Variants in MSI1 observed in about 807,000 individuals in gnomAD.
MSI1 encodes the protein musashi RNA binding protein 1, also known as RNA-binding protein Musashi homolog 1.
MSI1 carries 15 observed loss-of-function variants against 54.4 expected under a neutral mutation model. The ratio of observed to expected loss-of-function variants is 0.28; its 90% CI spans 0.18 to 0.42. The LOEUF (loss-of-function observed/expected upper bound fraction) is 0.42, where lower values mean the gene tolerates loss of function less well. Among genes scored for constraint, MSI1 ranks in the 20% least tolerant of loss-of-function variants. The pLI is 1.00. For synonymous variants in MSI1, 200 were observed against 196.5 expected (o/e 1.02, Z -0.15); for missense variants, 304 against 506.0 (o/e 0.60, Z 3.83).
At chr12:120,352,955 A>G (rs1393133322) in intron 10 of MSI1, among the ~76,000 whole-genome samples, 1 of 152,164 alleles carries the variant, frequency 6.6e-6, no homozygotes, top group Non-Finnish European at 1.5e-5. Context: ...GCAACCAACA[A>G]TGGCCCTCGG....
Position 120,368,407 on chromosome 12 carries a change from C to T in MSI1, c.101-134G>A. 1.2e-6 allele frequency: 1 copy of T among 862,456 alleles called. No homozygotes were observed. The highest frequency in any genetic ancestry group is 2.0e-5 in the South Asian group (1 of 50,808). The allele number at this position is 862,456 out of a possible 1,614,324, so 53.4% of individuals were successfully genotyped here. The stretch of plus-strand genomic sequence containing the variant: ...CTGCCCGCGCGTTCTCCACTGCCGC[C>T]GCCCCCCACCGCCCTCGCCCCGTTC... On this transcript the variant is annotated intron_variant, in intron 2 of 14. Coordinates refer to ENST00000257552, the MANE Select transcript of MSI1 (RefSeq NM_002442.4). This position sits in a 1 kb window ranked among gnomAD's most constrained non-coding sequence, Gnocchi z 6.6.
At chr12:120,347,604 G>A in intron 11 of MSI1, 90 bp from the exon 12 acceptor site, 1 of 1,519,544 alleles carries the variant, frequency 6.6e-7, no homozygotes, top group South Asian at 1.1e-5. Flanking sequence ...AGCCTGTCCA[G>A]CCTGGCCCTA....
chr12:120,362,721 G>A (rs995246431), intron 6 of MSI1, among the ~76,000 whole-genome samples: 2 of 152,206 alleles, frequency 1.3e-5, no homozygotes, highest in Admixed American at 6.5e-5. Context: ...AGGAGGCCAC[G>A]GGCTGACTTG....
intron 9 of MSI1, among the ~76,000 whole-genome samples, chr12:120,354,496 A>G (rs532402790): frequency 6.6e-6 from 1 of 151,658 alleles, no homozygotes; most frequent in South Asian, 2.1e-4. Context: ...CAATGGCATG[A>G]TCTCGGCTCA....
At position 120,345,561 on chromosome 12, in the gene MSI1, C is replaced by A. The variant is rs779872853; in HGVS notation, c.*21+9G>T. The A allele has an allele frequency of 1.9e-6, 3 of 1,613,170 alleles. No individual in the cohort carries two copies. In the African/African-American group the frequency reaches 4.0e-5, roughly 22 times the overall value. Reference sequence around the variant, plus strand: ...CCACCCCACCACCTGCCCACCCCCACATCCTCACCTCCTGCCACCGTCCCC... The same window carrying A: ...CCACCCCACCACCTGCCCACCCCCAAATCCTCACCTCCTGCCACCGTCCCC... On this transcript the variant is annotated intron_variant, in intron 14 of 14. Coordinates refer to ENST00000257552, the MANE Select transcript of MSI1 (RefSeq NM_002442.4).
In MSI1 at chr12:120,368,890, G is replaced by C. The variant is rs1352539146; in HGVS notation, c.60-17C>G. On this transcript the variant is annotated splice_polypyrimidine_tract_variant and intron_variant, in intron 1 of 14. Coordinates refer to ENST00000257552, the MANE Select transcript of MSI1 (RefSeq NM_002442.4). The surrounding 1 kb of genome is among the most constrained non-coding windows in gnomAD (Gnocchi z 6.6). ...AACATCTTGCTGCGGGAGGAGGAGA[G>C]ACACAAAGGGCCCGCGTGAGCGCCG... 6.9e-7 allele frequency: 1 copy of C among 1,444,596 alleles called. No homozygotes were observed. Among genetic ancestry groups the C allele is most frequent in the Admixed American group, 2.1e-5 (1 of 46,596 alleles). The allele number at this position is 1,444,596 out of a possible 1,614,324, so 89.5% of individuals were successfully genotyped here.
At position 120,368,424 on chromosome 12, in the gene MSI1, G is replaced by T; in HGVS notation, c.101-151C>A. On this transcript the variant is annotated intron_variant, in intron 2 of 14. Transcript: ENST00000257552. This position sits in a 1 kb window ranked among gnomAD's most constrained non-coding sequence, Gnocchi z 6.6. ...ACTGCCGCCGCCCCCCACCGCCCTCGCCCCGTTCCCGCTGAGCCTCCTGGC... is the reference window on the plus strand; with the variant it reads ...ACTGCCGCCGCCCCCCACCGCCCTCTCCCCGTTCCCGCTGAGCCTCCTGGC... The T allele has an allele frequency of 2.6e-6, 2 of 763,756 alleles. No homozygotes were observed. Among genetic ancestry groups the T allele is most frequent in the Non-Finnish European group, 3.8e-6 (2 of 528,104 alleles). The allele number at this position is 763,756 out of a possible 1,614,324, so 47.3% of individuals were successfully genotyped here.
intron 9 of MSI1, 62 bp downstream of exon 9, chr12:120,356,840 C>T (rs1021225035): frequency 1.5e-5 from 21 of 1,445,330 alleles, no homozygotes; most frequent in Non-Finnish European, 2.0e-5. Flanking sequence ...ACCCACACAG[C>T]CCCTGCTAGT....
At chr12:120,356,383 C>T (rs1338425865) in intron 9 of MSI1, among the ~76,000 whole-genome samples, 2 of 152,180 alleles carry the variant, frequency 1.3e-5, no homozygotes, top group Non-Finnish European at 2.9e-5. Context: ...CTACTCCACC[C>T]GCAGACTCAA....
At chr12:120,351,842 G>A (rs1874634443) in intron 10 of MSI1, among the ~76,000 whole-genome samples, 1 of 150,914 alleles carries the variant, frequency 6.6e-6, no homozygotes, top group African/African-American at 2.4e-5. Flanking sequence ...CCAAGAAGCT[G>A]AGACTACAGG....
chr12:120,351,592 C>T (rs1292534566), intron 10 of MSI1, among the ~76,000 whole-genome samples, 192 bp from the exon 11 acceptor site: 1 of 151,856 alleles, frequency 6.6e-6, no homozygotes, highest in Admixed American at 6.6e-5. Flanking sequence ...AGAGGAGAGA[C>T]AGAGAGAGGG....
chr12:120,341,615 A>T lies in MSI1; in HGVS notation c.*1512T>A, dbSNP rs1178622209. 2.6e-5 allele frequency: 4 copies of T among 152,134 alleles called. No homozygotes were observed. The highest frequency in any genetic ancestry group is 5.9e-5 in the Non-Finnish European group (4 of 67,958). 9.4% of individuals were successfully genotyped at this position (152,134 alleles called of 1,614,324 possible). A position where few individuals can be genotyped will look rare whatever the true frequency, so the allele number is the denominator to read the frequency against. On this transcript the variant is annotated 3_prime_UTR_variant, in exon 15 of 15. Transcript: ENST00000257552. ...AACGTGTAGAAAATTAAAAATAAAAACCAATAAAATGCAGCTTCTCTTTTA... is the reference window on the plus strand; with the variant it reads ...AACGTGTAGAAAATTAAAAATAAAATCCAATAAAATGCAGCTTCTCTTTTA...
chr12:120,360,276 G>T (rs1434258226), intron 6 of MSI1, among the ~76,000 whole-genome samples: 1 of 152,036 alleles, frequency 6.6e-6, no homozygotes, highest in Non-Finnish European at 1.5e-5. Flanking sequence ...TGAGCCACCA[G>T]GCCCGACCCC....
intron 5 of MSI1, among the ~76,000 whole-genome samples, chr12:120,363,406 C>T (rs1475106044): frequency 6.6e-6 from 1 of 152,072 alleles, no homozygotes; most frequent in African/African-American, 2.4e-5. Context: ...TCCCTAAGGA[C>T]TAACACAGGG....
At chr12:120,358,058 G>A (rs1196433473) in intron 7 of MSI1, among the ~76,000 whole-genome samples, 160 bp from the exon 8 acceptor site, 1 of 152,172 alleles carries the variant, frequency 6.6e-6, no homozygotes, top group Admixed American at 6.5e-5. Context: ...TATCCACTGA[G>A]ACAGGGTTTC....
At chr12:120,348,395 A>C (rs1242248250) in intron 11 of MSI1, among the ~76,000 whole-genome samples, 1 of 152,004 alleles carries the variant, frequency 6.6e-6, no homozygotes, top group Admixed American at 6.6e-5. Flanking sequence ...TCTTTCCTAA[A>C]AACTTCATAC....
intron 5 of MSI1, among the ~76,000 whole-genome samples, chr12:120,363,589 T>A (rs1456730179): frequency 6.6e-6 from 1 of 152,222 alleles, no homozygotes; most frequent in East Asian, 1.9e-4. Context: ...AGCCCTGTTT[T>A]AGGAAGAACA....
chr12:120,340,683 T>C (rs1198369495), downstream of MSI1, among the ~76,000 whole-genome samples: 1 of 151,482 alleles, frequency 6.6e-6, no homozygotes, highest in African/African-American at 2.4e-5. Context: ...ACCTAAATAA[T>C]TTAATATTTT....
At chr12:120,354,820 A>G (rs1874939408) in intron 9 of MSI1, among the ~76,000 whole-genome samples, 1 of 152,184 alleles carries the variant, frequency 6.6e-6, no homozygotes. Context: ...AAACAAAGTG[A>G]AAGAGACAAG....
Sources: allele counts gnomAD v4.1 joint callset (sites outside exome capture counted in the v4.1 genomes callset), GRCh38; gene constraint gnomAD v4.1.1; non-coding constraint Gnocchi (gnomAD v3.1); transcripts MANE v1.5; gene names NCBI Gene and HGNC (gene_info 2026-07-23, HGNC 2026-07-21).